ZNF382: variants seen among roughly 807,000 people sequenced by gnomAD.
The protein encoded by ZNF382 is zinc finger protein 382.
In ZNF382, 20 loss-of-function variants were observed where a neutral mutation model predicts 38.8. The ratio of observed to expected loss-of-function variants is 0.51; its 90% CI spans 0.36 to 0.75. The LOEUF is 0.75. ZNF382 is among the 30% of genes least tolerant of loss of function. The pLI, the probability that ZNF382 is intolerant of heterozygous loss-of-function variation, is 0.00. For synonymous variants in ZNF382, 202 were observed against 223.1 expected (o/e 0.91, Z 0.84); for missense variants, 546 against 654.1 (o/e 0.83, Z 1.80).
In ZNF382 at chr19:36,610,711, A is replaced by G. The variant is rs1348676629; in HGVS notation, c.201A>G (p.Thr67=). The G allele has an allele frequency of 1.9e-6, 3 of 1,613,310 alleles. No individual in the cohort carries two copies. Among genetic ancestry groups the G allele is most frequent in the African/African-American group, 2.7e-5 (2 of 75,034 alleles). ...TGGAACAAGGAGAAGAGCTATGGAC[A>G]CAGAGAATTTTTCCAAGTTACAGCT... The part of the protein sequence containing the change: ...RKLEQGEELW[T]QRIFPSYSYL... The change falls in exon 4 of 5, where the codon ACA becomes ACG. Residue 67 remains threonine, a synonymous_variant. Coordinates refer to ENST00000292928, the MANE Select transcript of ZNF382 (RefSeq NM_032825.5).
rs780155198 is a variant in ZNF382 at position 36,631,036 on chromosome 19, C to T, written c.*3486C>T. ...CTGGCCTCAAGCAATCTTCCCTCTT[C>T]GGCCTCCTAAAATGCTGGGGTTACA... On this transcript the variant is annotated 3_prime_UTR_variant, in exon 5 of 5. Transcript: ENST00000292928. 3.0e-3 allele frequency: 455 copies of T among 152,252 alleles called. 3 individuals are homozygous for T. The highest frequency in any genetic ancestry group is 5.4e-3 in the Non-Finnish European group (370 of 68,048). The allele number at this position is 152,252 out of a possible 1,614,324, so 9.4% of individuals were successfully genotyped here. A position where few individuals can be genotyped will look rare whatever the true frequency, so the allele number is the denominator to read the frequency against.
At chr19:36,610,839 CACATA>C in intron 4 of ZNF382, 97 bp downstream of exon 4, 1 of 859,290 alleles carries the variant, frequency 1.2e-6, no homozygotes, top group Non-Finnish European at 1.8e-6. Flanking sequence ...TGGTAAAATA[CACATA>C]ACATTAAATA....
intron 4 of ZNF382, among the ~76,000 whole-genome samples, chr19:36,618,086 G>T (rs2037139797): frequency 6.6e-6 from 1 of 151,994 alleles, no homozygotes. Flanking sequence ...TTGTTCTTTT[G>T]TTTTGTTTTG....
chr19:36,614,880 C>CCT (rs1555793077), intron 4 of ZNF382, among the ~76,000 whole-genome samples: 17 of 89,888 alleles, frequency 1.9e-4, no homozygotes, highest in South Asian at 4.3e-4. Context: ...TTCTTTCTTT[C>CCT]TTCCTTTCCT....
rs756566547 is a variant in ZNF382, at chr19:36,626,998, C to T, written c.1101C>T (p.Leu367=). The change falls in exon 5 of 5, where the codon CTC becomes CTT. Residue 367 remains leucine, a synonymous_variant. Coordinates refer to ENST00000292928, the MANE Select transcript of ZNF382 (RefSeq NM_032825.5). ...AGTCCTTCCGCCAGAAGGCCACCCT[C>T]ACTAGACATCACAAAACACATACGG... ...CGKSFRQKAT[L]TRHHKTHTGE... is the part of the protein sequence containing the mutation. 4 of 1,614,128 alleles carry T rather than the reference C, an allele frequency of 2.5e-6. No individual in the cohort carries two copies. Among genetic ancestry groups the T allele is most frequent in the East Asian group, 2.2e-5 (1 of 44,882 alleles).
At chr19:36,605,927 G>C (rs1185874782) in intron 1 of ZNF382, among the ~76,000 whole-genome samples, 1 of 152,216 alleles carries the variant, frequency 6.6e-6, no homozygotes, top group East Asian at 1.9e-4. Context: ...GTTAGCTGCT[G>C]TCTGAGGTTG....
intron 4 of ZNF382, among the ~76,000 whole-genome samples, chr19:36,612,876 A>G (rs3111549): frequency 1.3e-5 from 2 of 151,834 alleles, no homozygotes; most frequent in East Asian, 1.9e-4. Flanking sequence ...ACTGCAACCT[A>G]TGCCTCCCGG....
intron 4 of ZNF382, among the ~76,000 whole-genome samples, chr19:36,621,106 T>C (rs1289004526): frequency 6.6e-6 from 1 of 152,118 alleles, no homozygotes; most frequent in Non-Finnish European, 1.5e-5. Context: ...ATTCTCTTGT[T>C]CCCATAATCA....
chr19:36,606,560 T>C (rs530672368), intron 1 of ZNF382, among the ~76,000 whole-genome samples: 86 of 151,658 alleles, frequency 5.7e-4, no homozygotes, highest in Middle Eastern at 3.4e-3. Flanking sequence ...TTCACCATGT[T>C]GCCCAGGCTG....
At position 36,627,681 on chromosome 19, in the gene ZNF382, AACACACACACAC is replaced by A. The variant is rs10669183; in HGVS notation, c.*149_*160del. On this transcript the variant is annotated 3_prime_UTR_variant, in exon 5 of 5. Transcript: ENST00000292928. ...TAACCTACTGTTTGCCAGCCTGTAA[AACACACACACAC>A]ACACACACACACACACAAATATTAT... 8.3e-4 allele frequency: 442 copies of A among 533,048 alleles called. 2 individuals are homozygous for A. In the East Asian group the frequency reaches 9.7e-3, roughly 12 times the overall value. The allele number at this position is 533,048 out of a possible 1,614,324, so 33.0% of individuals were successfully genotyped here. A position where few individuals can be genotyped will look rare whatever the true frequency, so the allele number is the denominator to read the frequency against.
intron 4 of ZNF382, among the ~76,000 whole-genome samples, chr19:36,624,008 G>A (rs2037190568): frequency 6.6e-6 from 1 of 151,944 alleles, no homozygotes; most frequent in South Asian, 2.1e-4. Flanking sequence ...AGAATCACTT[G>A]AACCTGGGAG....
chr19:36,621,173 T>C lies in ZNF382; in HGVS notation c.233-4957T>C, dbSNP rs2037166304. 2.0e-5 allele frequency among the ~76,000 whole-genome samples: 3 copies of C among 152,188 alleles called. No individual in the cohort carries two copies. In the South Asian group the frequency reaches 6.2e-4, roughly 32 times the overall value. On this transcript the variant is annotated intron_variant, in intron 4 of 4. Coordinates refer to ENST00000292928, the MANE Select transcript of ZNF382 (RefSeq NM_032825.5). ...TCTGTTATACTTTCTTAATGATCTC[T>C]CCACAATGTGTTATATTATCTCACT...
intron 4 of ZNF382, among the ~76,000 whole-genome samples, chr19:36,614,897 T>G (rs1308474821): frequency 1.3e-5 from 1 of 76,334 alleles, no homozygotes; most frequent in African/African-American, 6.8e-5. Flanking sequence ...TCCTTTCCTT[T>G]CCTTTCCTTT....
In ZNF382 at chr19:36,609,983, A is replaced by G; in HGVS notation, c.69A>G (p.Gln23=). 6.2e-7 allele frequency: 1 copy of G among 1,614,054 alleles called. No individual in the cohort carries two copies. Among genetic ancestry groups the G allele is most frequent in the Non-Finnish European group, 8.5e-7 (1 of 1,179,994 alleles). ...ACTTCACCCAGGAGGAGTGGCAGCA[A>G]CTAGACCCTGCTCAGAAGGCGCTTT... ...TVDFTQEEWQ[Q]LDPAQKALYR... is the part of the protein sequence containing the mutation. Residue 23 remains glutamine, a synonymous_variant, in exon 3 of 5, where the codon CAA becomes CAG. Coordinates refer to ENST00000292928, the MANE Select transcript of ZNF382 (RefSeq NM_032825.5).
At chr19:36,616,556 AT>A (rs2037127812) in intron 4 of ZNF382, among the ~76,000 whole-genome samples, 1 of 152,098 alleles carries the variant, frequency 6.6e-6, no homozygotes, top group Non-Finnish European at 1.5e-5. Flanking sequence ...TCCACTTTAT[AT>A]TTTTATCTGA....
chr19:36,629,076 C>T lies in ZNF382; in HGVS notation c.*1526C>T, dbSNP rs527416433. 1 of 151,448 alleles carries T rather than the reference C, an allele frequency of 6.6e-6. No homozygotes were observed. The highest frequency in any genetic ancestry group is 2.1e-4 in the South Asian group (1 of 4,786). The allele number at this position is 151,448 out of a possible 1,614,324, so 9.4% of individuals were successfully genotyped here. On this transcript the variant is annotated 3_prime_UTR_variant, in exon 5 of 5. Coordinates refer to ENST00000292928, the MANE Select transcript of ZNF382 (RefSeq NM_032825.5). ...TCCCAGGTTCCAGTGATTCTCCTGC[C>T]TCAGCCTCCCGGGTAGCTGAGATTA...
Position 36,628,647 on chromosome 19 carries a change from C to T in ZNF382, c.*1097C>T, listed in dbSNP as rs114635277. The stretch of plus-strand genomic sequence containing the variant: ...AAAAGTCTACTAGAGGAGAGGCATC[C>T]AGCATTTCCCTTGTTCAACATCAGA... On this transcript the variant is annotated 3_prime_UTR_variant, in exon 5 of 5. Transcript: ENST00000292928. 6.4e-4 allele frequency: 97 copies of T among 152,724 alleles called. No individual in the cohort carries two copies. The highest frequency in any genetic ancestry group is 2.3e-3 in the African/African-American group (95 of 41,566). The allele number at this position is 152,724 out of a possible 1,614,324, so 9.5% of individuals were successfully genotyped here.
chr19:36,627,693 C>CAT lies in ZNF382; in HGVS notation c.*144_*145insTA. On this transcript the variant is annotated 3_prime_UTR_variant, in exon 5 of 5. Coordinates refer to ENST00000292928, the MANE Select transcript of ZNF382 (RefSeq NM_032825.5). Reference sequence around the variant, plus strand: ...TGCCAGCCTGTAAAACACACACACACACACACACACACACACAAATATTAT... The same window carrying CAT: ...TGCCAGCCTGTAAAACACACACACACATACACACACACACACACAAATATTAT... 1.8e-6 allele frequency: 1 copy of CAT among 561,546 alleles called. No individual in the cohort carries two copies. Among genetic ancestry groups the CAT allele is most frequent in the African/African-American group, 1.9e-5 (1 of 53,442 alleles). 34.8% of individuals were successfully genotyped at this position (561,546 alleles called of 1,614,324 possible). A position where few individuals can be genotyped will look rare whatever the true frequency, so the allele number is the denominator to read the frequency against.
chr19:36,631,273 AT>A lies in ZNF382; in HGVS notation c.*3724del, dbSNP rs1194222935. The A allele has an allele frequency of 3.3e-5, 5 of 152,346 alleles. No individual in the cohort carries two copies. The highest frequency in any genetic ancestry group is 1.2e-4 in the African/African-American group (5 of 41,570). The allele number at this position is 152,346 out of a possible 1,614,324, so 9.4% of individuals were successfully genotyped here. A position where few individuals can be genotyped will look rare whatever the true frequency, so the allele number is the denominator to read the frequency against. ...AGAGCCTGTTGCTCCTAGGCTACAA[AT>A]CTGTACTGCATGTTACTGTGCTGGA... On this transcript the variant is annotated 3_prime_UTR_variant, in exon 5 of 5. Transcript: ENST00000292928.
Sources: gnomAD v4.1 joint callset for allele counts (sites outside exome capture counted in the v4.1 genomes callset) on GRCh38, gnomAD v4.1.1 for gene constraint, MANE v1.5 for transcripts, NCBI Gene and HGNC (gene_info 2026-07-23, HGNC 2026-07-21) for gene names.